The following MYH11 variants were observed in gnomAD, a reference collection of about 807,000 sequenced individuals.
The protein encoded by MYH11 is myosin heavy chain 11.
MYH11 carries 80 observed loss-of-function variants against 246.6 expected under a neutral mutation model. That is an observed-to-expected ratio of 0.32 (90% CI 0.27 to 0.39). The LOEUF (loss-of-function observed/expected upper bound fraction) is 0.39, where lower values mean the gene tolerates loss of function less well. Among genes scored for constraint, MYH11 ranks in the 10% least tolerant of loss-of-function variants. The pLI is 1.00. For synonymous variants in MYH11, 1,071 were observed against 1,015.5 expected (o/e 1.05, Z -1.04); for missense variants, 2,158 against 2,546.8 (o/e 0.85, Z 3.29).
Position 15,750,292 on chromosome 16 carries a change from G to A in MYH11, c.1904C>T (p.Thr635Met), listed in dbSNP as rs745878375. 27 of 1,613,162 alleles carry A rather than the reference G, an allele frequency of 1.7e-5. No individual in the cohort carries two copies. Among genetic ancestry groups the A allele is most frequent in the South Asian group, 1.3e-4 (12 of 90,948 alleles). The change falls in exon 16 of 41, where the codon ACG becomes ATG. Residue 635 changes from threonine (T) to methionine (M), a missense_variant. By Grantham distance (81) the Thr-to-Met change is moderately conservative. Transcript: ENST00000300036. The surrounding 1 kb of genome is among the most constrained non-coding windows in gnomAD (Gnocchi z 4.3). ...GGAGGCGCTGGGCAGCGAGCTCTCC[G>A]TCATCTTGGCCATCTGGTCCAGGCC... ...IVGLDQMAKM[T>M]ESSLPSASKT...
intron 4 of MYH11, 36 bp downstream of exon 4, chr16:15,798,624 C>G (rs12102468): frequency 1.1e-6 from 1 of 870,258 alleles, no homozygotes; most frequent in South Asian, 2.2e-5. Flanking sequence ...AAAAAAAAAA[C>G]AAAAAAAAAA....
Position 15,811,700 on chromosome 16 carries a change from C to T in MYH11, c.502+11555G>A, listed in dbSNP as rs1339125834. Among the ~76,000 whole-genome samples the T allele has an allele frequency of 2.0e-5, 3 of 152,096 alleles. No individual in the cohort carries two copies. In the South Asian group the frequency reaches 6.2e-4, roughly 32 times the overall value. On this transcript the variant is annotated intron_variant, in intron 3 of 40. Coordinates refer to ENST00000300036, the MANE Select transcript of MYH11 (RefSeq NM_002474.3). ...CCAATCTCAAGCAGAAGGATACAGC[C>T]GAGTGTGGGAACTTGCAAAGTGGAG...
At chr16:15,852,591 G>T (rs764080994) in intron 1 of MYH11, among the ~76,000 whole-genome samples, 1 of 151,970 alleles carries the variant, frequency 6.6e-6, no homozygotes, top group Non-Finnish European at 1.5e-5. Flanking sequence ...CACCTGCTGC[G>T]GCCTCCCAAA....
intron 3 of MYH11, among the ~76,000 whole-genome samples, chr16:15,813,880 C>A (rs1018646213): frequency 6.6e-6 from 1 of 150,862 alleles, no homozygotes; most frequent in Non-Finnish European, 1.5e-5. Context: ...AAAGGCCGGG[C>A]GTGGTGGTTC....
At chr16:15,809,303 G>A (rs376578113) in intron 3 of MYH11, among the ~76,000 whole-genome samples, 17 of 151,784 alleles carry the variant, frequency 1.1e-4, no homozygotes, top group African/African-American at 3.1e-4. Context: ...AGACCGAGGC[G>A]GGAGGATTGC....
At chr16:15,836,879 C>G (rs767488113) in intron 2 of MYH11, among the ~76,000 whole-genome samples, 2 of 151,956 alleles carry the variant, frequency 1.3e-5, no homozygotes, top group Non-Finnish European at 2.9e-5. Flanking sequence ...TGTGCACTAC[C>G]ATGCCTGGCT....
In MYH11 at chr16:15,837,975, A is replaced by G; in HGVS notation, c.278T>C (p.Leu93Pro). The G allele has an allele frequency of 3.1e-6, 5 of 1,614,122 alleles. No individual in the cohort carries two copies. The highest frequency in any genetic ancestry group is 4.2e-6 in the Non-Finnish European group (5 of 1,180,014). The change falls in exon 2 of 41, where the codon CTG becomes CCG. Residue 93 changes from leucine to proline, a missense_variant. Leu to Pro is a moderately conservative substitution (Grantham distance 98). This residue lies in a region of MYH11 where 36 missense variants were observed against 73.9 expected (regional missense o/e 0.49). Coordinates refer to ENST00000300036, the MANE Select transcript of MYH11 (RefSeq NM_002474.3). ...CACGGAGGCTTCGTTGAGGCACGTC[A>G]GCTCCGCCATGTCCTCCACCTTGGA... is the stretch of plus-strand genomic sequence containing the variant. ...KFSKVEDMAE[L>P]TCLNEASVLH... is the part of the protein sequence containing the mutation.
At chr16:15,825,180 G>A (rs2043526538) in intron 2 of MYH11, among the ~76,000 whole-genome samples, 1 of 152,122 alleles carries the variant, frequency 6.6e-6, no homozygotes, top group Non-Finnish European at 1.5e-5. Flanking sequence ...CAGACTTGTG[G>A]TTCCCAGAGG....
chr16:15,703,291 G>C lies in MYH11; in HGVS notation c.*700C>G. The C allele has an allele frequency of 4.4e-6, 1 of 227,002 alleles. No homozygotes were observed. 14.1% of individuals were successfully genotyped at this position (227,002 alleles called of 1,614,324 possible). On this transcript the variant is annotated 3_prime_UTR_variant, in exon 41 of 41. Coordinates refer to ENST00000300036, the MANE Select transcript of MYH11 (RefSeq NM_002474.3). Reference sequence around the variant, plus strand: ...GTGAACTGTGCGTGTCTGAGGTGTGGAAACCAGGAGAGGGGGAAAGAATTC... The same window carrying C: ...GTGAACTGTGCGTGTCTGAGGTGTGCAAACCAGGAGAGGGGGAAAGAATTC...
At chr16:15,758,503 C>T (rs1030674332) in intron 12 of MYH11, among the ~76,000 whole-genome samples, 11 of 151,946 alleles carry the variant, frequency 7.2e-5, no homozygotes, top group African/African-American at 2.4e-4. Flanking sequence ...AACCTCTCTC[C>T]ACTAAAAATA....
chr16:15,781,199 C>T (rs1263858386), intron 6 of MYH11, among the ~76,000 whole-genome samples: 1 of 152,218 alleles, frequency 6.6e-6, no homozygotes, highest in African/African-American at 2.4e-5. Flanking sequence ...AGCCACCTCG[C>T]CTGGCCTGAA....
intron 40 of MYH11, chr16:15,714,430 T>C (rs1382840839): frequency 5.2e-6 from 1 of 193,682 alleles, no homozygotes; most frequent in African/African-American, 2.3e-5. Flanking sequence ...TCAGGGATCT[T>C]TTTCCTTCTG....
intron 8 of MYH11, among the ~76,000 whole-genome samples, chr16:15,773,730 A>G (rs1252644128): frequency 6.6e-6 from 1 of 152,140 alleles, no homozygotes; most frequent in Non-Finnish European, 1.5e-5. Context: ...CTGCTTTCTC[A>G]CTAGGCAACA....
intron 8 of MYH11, among the ~76,000 whole-genome samples, chr16:15,772,435 CAT>C (rs1034185264): frequency 5.3e-5 from 8 of 152,044 alleles, no homozygotes; most frequent in African/African-American, 1.9e-4. Flanking sequence ...CAAACAGGCA[CAT>C]GAGTTTTAAA....
chr16:15,825,386 CAAA>C (rs1212947132), intron 2 of MYH11, among the ~76,000 whole-genome samples: 6 of 60,988 alleles, frequency 9.8e-5, no homozygotes, highest in African/African-American at 2.4e-4. Context: ...CCCCTCTCTA[CAAA>C]AAAAAAAAAA....
At position 15,724,409 on chromosome 16, in the gene MYH11, G is replaced by A; in HGVS notation, c.4117C>T (p.Leu1373Phe). ...ERHISTLNIQLSDSKKKLQDF... is the reference protein window; with the variant it reads ...ERHISTLNIQFSDSKKKLQDF... Reference sequence around the variant, plus strand: ...TGCAGCTTCTTCTTCGAGTCGGAGAGCTACAAGGACAGCGTCCAGGGTAGG... The same window carrying A: ...TGCAGCTTCTTCTTCGAGTCGGAGAACTACAAGGACAGCGTCCAGGGTAGG... Residue 1373 changes from leucine (L) to phenylalanine (F), a missense_variant and splice_region_variant, in exon 31 of 41, where the codon CTC becomes TTC. This residue lies in a region of MYH11 where 1,013 missense variants were observed against 993.5 expected (regional missense o/e 1.02). Transcript: ENST00000300036. 1 of 1,613,830 alleles carries A rather than the reference G, an allele frequency of 6.2e-7. No homozygotes were observed. The highest frequency in any genetic ancestry group is 1.1e-5 in the South Asian group (1 of 91,064).
In MYH11 at chr16:15,719,602, G is replaced by C. The variant is rs1338185802; in HGVS notation, c.5065C>G (p.Leu1689Val). 6.2e-7 allele frequency: 1 copy of C among 1,614,068 alleles called. No homozygotes were observed. The highest frequency in any genetic ancestry group is 1.3e-5 in the African/African-American group (1 of 74,944). Residue 1689 changes from leucine to valine, a missense_variant, in exon 35 of 41, where the codon CTC becomes GTC. Coordinates refer to ENST00000300036, the MANE Select transcript of MYH11 (RefSeq NM_002474.3). Reference sequence around the variant, plus strand: ...GGCTTTACCTCTTGTAGCTGCATGAGGTCTGCTTCCAAGCTCTTGGCTTTC... The same window carrying C: ...GGCTTTACCTCTTGTAGCTGCATGACGTCTGCTTCCAAGCTCTTGGCTTTC... Reference protein sequence around the residue: ...EKKAKSLEADLMQLQEDLAAA... With the variant: ...EKKAKSLEADVMQLQEDLAAA...
chr16:15,831,805 G>A (rs1163539429), intron 2 of MYH11, among the ~76,000 whole-genome samples: 1 of 152,114 alleles, frequency 6.6e-6, no homozygotes, highest in Non-Finnish European at 1.5e-5. Flanking sequence ...TGGGCGTGGT[G>A]GCATGTGCCT....
At chr16:15,769,184 T>C (rs1273508567) in intron 9 of MYH11, among the ~76,000 whole-genome samples, 1 of 152,038 alleles carries the variant, frequency 6.6e-6, no homozygotes, top group East Asian at 1.9e-4. Flanking sequence ...GGCATGGTGG[T>C]GGGCGCCTAT....
Sources: gnomAD v4.1 joint callset for allele counts (sites outside exome capture counted in the v4.1 genomes callset) on GRCh38, gnomAD v4.1.1 for gene constraint, gnomAD v4.1.1 regional missense constraint, Gnocchi (gnomAD v3.1) non-coding constraint, MANE v1.5 for transcripts, NCBI Gene and HGNC (gene_info 2026-07-23, HGNC 2026-07-21) for gene names.